Variants in SMAD2 observed in about 807,000 individuals in gnomAD.
SMAD2 encodes the protein MAD homolog 2.
In SMAD2, 8 loss-of-function variants were observed where a neutral mutation model predicts 64.4. The ratio of observed to expected loss-of-function variants is 0.12; its 90% CI spans 0.07 to 0.22. The LOEUF is 0.22. Ranked by LOEUF, SMAD2 falls within the 10% of genes least tolerant of loss-of-function variation. The pLI, the probability that SMAD2 is intolerant of heterozygous loss-of-function variation, is 1.00. For missense variants in SMAD2, 289 were observed against 561.2 expected (o/e 0.51, Z 4.90); for synonymous variants, 203 against 195.8 (o/e 1.04, Z -0.31).
At chr18:47,909,261 T>C (rs1403532810) in intron 1 of SMAD2, among the ~76,000 whole-genome samples, 1 of 152,190 alleles carries the variant, frequency 6.6e-6, no homozygotes, top group Non-Finnish European at 1.5e-5. Context: ...GGAGTCATTA[T>C]ATGACAACTT....
chr18:47,896,469 C>G (rs1316725079), intron 2 of SMAD2, 52 bp downstream of exon 2: 14 of 1,581,182 alleles, frequency 8.9e-6, no homozygotes, highest in African/African-American at 1.3e-5. Context: ...AGTAACTTTC[C>G]TTCAGATTCC....
chr18:47,930,847 C>T (rs1479279009), upstream of SMAD2: 1 of 148,996 alleles, frequency 6.7e-6, no homozygotes, highest in African/African-American at 2.4e-5. Context: ...TTCTCCGCCG[C>T]CGCGGCCGCG....
chr18:47,885,130 T>TACAC (rs1221476932), intron 2 of SMAD2, among the ~76,000 whole-genome samples: 9 of 64,254 alleles, frequency 1.4e-4, no homozygotes, highest in African/African-American at 6.5e-4. Context: ...GATTTAGTCA[T>TACAC]ATACACACAC....
chr18:47,817,871 C>G lies in SMAD2; in HGVS notation c.*23956G>C. On this transcript the variant is annotated 3_prime_UTR_variant, in exon 11 of 11. Coordinates refer to ENST00000262160, the MANE Select transcript of SMAD2 (RefSeq NM_005901.6). Reference sequence around the variant, plus strand: ...AGGGCAATCGCCACCAGTTAAAACACTGGTCCAAACACCTGACTTATCTGT... The same window carrying G: ...AGGGCAATCGCCACCAGTTAAAACAGTGGTCCAAACACCTGACTTATCTGT... The G allele has an allele frequency of 6.6e-6, 1 of 152,228 alleles. No homozygotes were observed. The highest frequency in any genetic ancestry group is 1.9e-4 in the East Asian group (1 of 5,206). 9.4% of individuals were successfully genotyped at this position (152,228 alleles called of 1,614,324 possible).
chr18:47,848,211 C>T (rs1914716601), intron 8 of SMAD2, among the ~76,000 whole-genome samples: 1 of 152,136 alleles, frequency 6.6e-6, no homozygotes, highest in Non-Finnish European at 1.5e-5. Context: ...AGAGACTCAG[C>T]AAATTAAACT....
Position 47,838,618 on chromosome 18 carries a change from G to T in SMAD2, c.*3209C>A, listed in dbSNP as rs1913657078. Reference sequence around the variant, plus strand: ...ACAATCAGCGGTATTCCAGAAGGTAGGCCTAAATCCAGTTATATTTTTCTA... The same window carrying T: ...ACAATCAGCGGTATTCCAGAAGGTATGCCTAAATCCAGTTATATTTTTCTA... On this transcript the variant is annotated 3_prime_UTR_variant, in exon 11 of 11. Coordinates refer to ENST00000262160, the MANE Select transcript of SMAD2 (RefSeq NM_005901.6). 4.3e-6 allele frequency: 1 copy of T among 233,022 alleles called. No individual in the cohort carries two copies. The highest frequency in any genetic ancestry group is 6.0e-5 in the East Asian group (1 of 16,644). The allele number at this position is 233,022 out of a possible 1,614,324, so 14.4% of individuals were successfully genotyped here. A position where few individuals can be genotyped will look rare whatever the true frequency, so the allele number is the denominator to read the frequency against.
rs115472695 is a variant in SMAD2 at position 47,842,267 on chromosome 18, C to T, written c.1281-317G>A. Among the ~76,000 whole-genome samples, 585 of 152,234 alleles carry T rather than the reference C, an allele frequency of 3.8e-3. 4 individuals are homozygous for T. Among genetic ancestry groups the T allele is most frequent in the African/African-American group, 0.013 (542 of 41,550 alleles). ...CTATTAATATCAGGCCAGGGCCAGG[C>T]GTGGTGGCTCACACCTGTAAGCCCA... On this transcript the variant is annotated intron_variant, in intron 10 of 10. Transcript: ENST00000262160.
At chr18:47,842,063 T>C (rs1352759916) in intron 10 of SMAD2, 113 bp from the exon 11 acceptor site, 18 of 1,228,686 alleles carry the variant, frequency 1.5e-5, no homozygotes, top group Non-Finnish European at 2.0e-5. Context: ...AGGTTGTGTA[T>C]ATAATTTTGG....
chr18:47,891,559 G>A (rs912755830), intron 2 of SMAD2, among the ~76,000 whole-genome samples: 9 of 150,180 alleles, frequency 6.0e-5, no homozygotes, highest in African/African-American at 2.2e-4. Flanking sequence ...TATGTTGCCC[G>A]GTATGGAGTG....
intron 1 of SMAD2, chr18:47,923,791 G>A (rs920783745): frequency 6.6e-6 from 1 of 152,172 alleles, no homozygotes; most frequent in African/African-American, 2.4e-5. Flanking sequence ...GCTGCTGTGT[G>A]TGCAGGTGTG....
chr18:47,872,410 A>G (rs1478452767), intron 2 of SMAD2, among the ~76,000 whole-genome samples: 1 of 152,212 alleles, frequency 6.6e-6, no homozygotes, highest in African/African-American at 2.4e-5. Context: ...TAAATTTTTA[A>G]AACTAAAAAA....
At position 47,853,530 on chromosome 18, in the gene SMAD2, G is replaced by GA. The variant is rs1196341578; in HGVS notation, c.731-2204dup. On this transcript the variant is annotated intron_variant, in intron 6 of 10. Transcript: ENST00000262160. ...CAGAGCAAGACTCTGTCTCGAGAGG[G>GA]AAAAAAAAAAAAGAGTAAGATAGGT... 1,649 of 165,744 alleles carry GA rather than the reference G, an allele frequency of 9.9e-3. 1 individual carries two copies. The highest frequency in any genetic ancestry group is 0.038 in the Middle Eastern group (16 of 424). 10.3% of individuals were successfully genotyped at this position (165,744 alleles called of 1,614,324 possible).
rs754971870 is a variant in SMAD2, at chr18:47,886,574, T to TATCC, written c.236+9946_236+9947insGGAT. Among the ~76,000 whole-genome samples, 567 of 71,996 alleles carry TATCC rather than the reference T, an allele frequency of 7.9e-3. 2 individuals are homozygous for TATCC. Among genetic ancestry groups the TATCC allele is most frequent in the African/African-American group, 0.027 (543 of 19,996 alleles). 47.2% of individuals were successfully genotyped at this position (71,996 alleles called of 152,430 possible). A position where few individuals can be genotyped will look rare whatever the true frequency, so the allele number is the denominator to read the frequency against. On this transcript the variant is annotated intron_variant, in intron 2 of 10. Transcript: ENST00000262160. ...GAAACTATATCTATATCTATCCATC[T>TATCC]ATCTATCTATCTATCTATCTATCTA...
intron 2 of SMAD2, among the ~76,000 whole-genome samples, chr18:47,882,842 G>T (rs895199771): frequency 1.3e-5 from 2 of 152,088 alleles, no homozygotes; most frequent in African/African-American, 4.8e-5. Flanking sequence ...GCATCAGCTG[G>T]GGGTAACCTA....
chr18:47,923,970 C>T (rs1181672794), intron 1 of SMAD2, among the ~76,000 whole-genome samples: 1 of 152,094 alleles, frequency 6.6e-6, no homozygotes, highest in Non-Finnish European at 1.5e-5. Flanking sequence ...AATTTTAGGC[C>T]GGGCGCAGTG....
At position 47,841,350 on chromosome 18, in the gene SMAD2, A is replaced by T. The variant is rs542380351; in HGVS notation, c.*477T>A. The T allele has an allele frequency of 6.7e-5, 16 of 238,624 alleles. No individual in the cohort carries two copies. The highest frequency in any genetic ancestry group is 1.1e-4 in the African/African-American group (5 of 45,442). 14.8% of individuals were successfully genotyped at this position (238,624 alleles called of 1,614,324 possible). ...AAAATCTTGATATATATTATATATT[A>T]AAAAAGACACACAAAAATAACAGAG... On this transcript the variant is annotated 3_prime_UTR_variant, in exon 11 of 11. Coordinates refer to ENST00000262160, the MANE Select transcript of SMAD2 (RefSeq NM_005901.6).
chr18:47,917,198 T>C (rs544769246), intron 1 of SMAD2, among the ~76,000 whole-genome samples: 1 of 152,244 alleles, frequency 6.6e-6, no homozygotes, highest in Non-Finnish European at 1.5e-5. Flanking sequence ...CTTCATAACC[T>C]TGTAGTTTTT....
chr18:47,869,652 C>T (rs1411035668), intron 3 of SMAD2, among the ~76,000 whole-genome samples: 1 of 152,028 alleles, frequency 6.6e-6, no homozygotes, highest in South Asian at 2.1e-4. Context: ...AAATATGTCA[C>T]ATAAATGACT....
intron 6 of SMAD2, among the ~76,000 whole-genome samples, chr18:47,860,520 C>A (rs1399238800): frequency 1.3e-5 from 2 of 152,014 alleles, no homozygotes; most frequent in Admixed American, 1.3e-4. Context: ...TGTGCTCAAG[C>A]AATTCTCCAG....
Sources: gnomAD v4.1 joint callset for allele counts (sites outside exome capture counted in the v4.1 genomes callset) on GRCh38, gnomAD v4.1.1 for gene constraint, MANE v1.5 for transcripts, NCBI Gene and HGNC (gene_info 2026-07-23, HGNC 2026-07-21) for gene names.